Variants in LRPAP1 observed in about 807,000 individuals in gnomAD.
LRPAP1 encodes LDL receptor related protein associated protein 1.
In LRPAP1, 41 loss-of-function variants were observed where a neutral mutation model predicts 39.9. That is an observed-to-expected ratio of 1.03 (90% CI 0.80 to 1.33). LRPAP1 has a LOEUF of 1.33. Among genes scored for constraint, LRPAP1 ranks in the 40% most tolerant of loss-of-function variants. LRPAP1 has a pLI of 0.00. For synonymous variants in LRPAP1, 263 were observed against 212.7 expected (o/e 1.24, Z -2.06); for missense variants, 565 against 482.3 (o/e 1.17, Z -1.61).
At chr4:3,531,598 G>GT (rs887284190) in intron 1 of LRPAP1, among the ~76,000 whole-genome samples, 1 of 152,196 alleles carries the variant, frequency 6.6e-6, no homozygotes, top group African/African-American at 2.4e-5. Context: ...CACCTTGGGG[G>GT]TGCCCTTTCC....
At position 3,520,069 on chromosome 4, in the gene LRPAP1, T is replaced by G. The variant is rs1729862746; in HGVS notation, c.471+3A>C. ...GCAAGGTATGCAAACAATCGAAGAGTACCTTGTGCCACAGCTTTTCCAGCC... is the reference window on the plus strand; with the variant it reads ...GCAAGGTATGCAAACAATCGAAGAGGACCTTGTGCCACAGCTTTTCCAGCC... On this transcript the variant is annotated splice_donor_region_variant and intron_variant, in intron 3 of 7. Transcript: ENST00000650182. 9 of 1,613,654 alleles carry G rather than the reference T, an allele frequency of 5.6e-6. No individual in the cohort carries two copies. Among genetic ancestry groups the G allele is most frequent in the Admixed American group, 1.7e-5 (1 of 59,944 alleles).
At chr4:3,514,989 T>A in intron 6 of LRPAP1, 61 bp from the exon 7 acceptor site, 1 of 1,579,432 alleles carries the variant, frequency 6.3e-7, no homozygotes, top group South Asian at 1.1e-5. Context: ...CATCTTGTGG[T>A]CCCGGGTGAA....
intron 2 of LRPAP1, among the ~76,000 whole-genome samples, chr4:3,523,727 C>G (rs982594764): frequency 1.3e-5 from 2 of 152,230 alleles, no homozygotes; most frequent in African/African-American, 2.4e-5. Flanking sequence ...AGAGACAACC[C>G]GGGCGCTGCA....
Position 3,503,796 on chromosome 4 carries a change from A to T in LRPAP1, c.*9178T>A, listed in dbSNP as rs552978324. ...AATGACAGGCTAGGGTACCTAGATG[A>T]ACCATCACACTGAAAACACATGCTG... On this transcript the variant is annotated 3_prime_UTR_variant, in exon 8 of 8. Coordinates refer to ENST00000650182, the MANE Select transcript of LRPAP1 (RefSeq NM_002337.4). 1 of 152,402 alleles carries T rather than the reference A, an allele frequency of 6.6e-6. No individual in the cohort carries two copies. The highest frequency in any genetic ancestry group is 1.9e-4 in the East Asian group (1 of 5,186). The allele number at this position is 152,402 out of a possible 1,614,324, so 9.4% of individuals were successfully genotyped here. A position where few individuals can be genotyped will look rare whatever the true frequency, so the allele number is the denominator to read the frequency against.
At chr4:3,514,648 T>C in intron 7 of LRPAP1, 104 bp downstream of exon 7, 1 of 1,401,400 alleles carries the variant, frequency 7.1e-7, no homozygotes, top group Non-Finnish European at 9.6e-7. Context: ...GACAGCAGCG[T>C]GGGGCCCACA....
At chr4:3,518,649 CAA>C (rs1729806639) in intron 4 of LRPAP1, among the ~76,000 whole-genome samples, 1 of 152,030 alleles carries the variant, frequency 6.6e-6, no homozygotes, top group African/African-American at 2.4e-5. Context: ...TTGGTTCATC[CAA>C]TGCAGGCAGG....
chr4:3,514,258 G>C (rs1160641490), intron 7 of LRPAP1, among the ~76,000 whole-genome samples: 1 of 152,246 alleles, frequency 6.6e-6, no homozygotes, highest in East Asian at 1.9e-4. Context: ...GCACAGATGG[G>C]GCTCCTGAGC....
At chr4:3,522,714 TGCCTGGGGAGGAC>T in intron 2 of LRPAP1, among the ~76,000 whole-genome samples, 4 of 145,854 alleles carry the variant, frequency 2.7e-5, no homozygotes, top group South Asian at 2.2e-4. Flanking sequence ...CCACACCCCC[TGCCTGGGGAGGAC>T]GGACGCCGCC....
rs1300763695 is a variant in LRPAP1, at chr4:3,505,240, G to T, written c.*7734C>A. ...CTGCTCTTCAGCCCCAGCCCCTGGTGTCCCGCAGCGGCTGCGGTGGCAGTG... is the reference window on the plus strand; with the variant it reads ...CTGCTCTTCAGCCCCAGCCCCTGGTTTCCCGCAGCGGCTGCGGTGGCAGTG... On this transcript the variant is annotated 3_prime_UTR_variant, in exon 8 of 8. Transcript: ENST00000650182. 6.6e-6 allele frequency among the ~76,000 whole-genome samples: 1 copy of T among 152,212 alleles called. No individual in the cohort carries two copies. Among genetic ancestry groups the T allele is most frequent in the Non-Finnish European group, 1.5e-5 (1 of 68,042 alleles).
intron 1 of LRPAP1, among the ~76,000 whole-genome samples, chr4:3,528,347 T>C (rs1199947619): frequency 6.6e-6 from 1 of 152,190 alleles, no homozygotes; most frequent in Non-Finnish European, 1.5e-5. Flanking sequence ...CGTGTCCTCC[T>C]GACCAGACCC....
chr4:3,523,491 T>C (rs1729982914), intron 2 of LRPAP1, among the ~76,000 whole-genome samples: 1 of 151,920 alleles, frequency 6.6e-6, no homozygotes, highest in Admixed American at 6.6e-5. Flanking sequence ...ACATGACATG[T>C]CTGCTGATGC....
intron 2 of LRPAP1, 147 bp downstream of exon 2, chr4:3,524,760 G>A (rs987690985): frequency 2.1e-6 from 2 of 943,148 alleles, no homozygotes; most frequent in Non-Finnish European, 3.3e-6. Context: ...CAGGATGCTC[G>A]GGGAAAGGCT....
At chr4:3,528,950 C>G (rs1362221987) in intron 1 of LRPAP1, among the ~76,000 whole-genome samples, 1 of 152,136 alleles carries the variant, frequency 6.6e-6, no homozygotes, top group Non-Finnish European at 1.5e-5. Context: ...CTGCAGACCT[C>G]AGTTTCCACT....
chr4:3,522,056 CT>C (rs1342166053), intron 2 of LRPAP1, among the ~76,000 whole-genome samples: 7 of 152,214 alleles, frequency 4.6e-5, no homozygotes, highest in Non-Finnish European at 8.8e-5. Flanking sequence ...AATACACAAA[CT>C]TTTTAAAAAA....
chr4:3,519,023 G>A (rs556225449), intron 3 of LRPAP1, 32 bp from the exon 4 acceptor site: 17 of 1,607,078 alleles, frequency 1.1e-5, no homozygotes, highest in East Asian at 4.5e-5. Context: ...GAGTGAACCC[G>A]CCGCGGGCTC....
Position 3,510,912 on chromosome 4 carries a change from AGTG to A in LRPAP1, c.*2059_*2061del, listed in dbSNP as rs2108685723. The stretch of plus-strand genomic sequence containing the variant: ...GAGGGCATCACCTACATCCTTCGTG[AGTG>A]CGCACCATGACCAGCCACACCCATG... On this transcript the variant is annotated 3_prime_UTR_variant, in exon 8 of 8. Transcript: ENST00000650182. 6.6e-6 allele frequency: 1 copy of A among 152,214 alleles called. No homozygotes were observed. Among genetic ancestry groups the A allele is most frequent in the African/African-American group, 2.4e-5 (1 of 41,528 alleles). 9.4% of individuals were successfully genotyped at this position (152,214 alleles called of 1,614,324 possible).
At chr4:3,521,542 GCCT>G (rs1729909524) in intron 2 of LRPAP1, among the ~76,000 whole-genome samples, 1 of 152,156 alleles carries the variant, frequency 6.6e-6, no homozygotes, top group Admixed American at 6.5e-5. Context: ...AAAGCCTCAG[GCCT>G]CCTTTCTCAT....
intron 2 of LRPAP1, among the ~76,000 whole-genome samples, chr4:3,523,688 G>C (rs1392216184): frequency 2.0e-5 from 3 of 152,126 alleles, no homozygotes; most frequent in Admixed American, 1.3e-4. Flanking sequence ...CCTAACGAAG[G>C]AACTCCGTAG....
intron 1 of LRPAP1, among the ~76,000 whole-genome samples, chr4:3,526,111 C>G (rs1378618031): frequency 6.6e-6 from 1 of 152,254 alleles, no homozygotes; most frequent in African/African-American, 2.4e-5. Context: ...GGAGGCTGCA[C>G]CGCATGCCTG....
Sources: gnomAD v4.1 joint callset for allele counts (sites outside exome capture counted in the v4.1 genomes callset) on GRCh38, gnomAD v4.1.1 for gene constraint, MANE v1.5 for transcripts, NCBI Gene and HGNC (gene_info 2026-07-23, HGNC 2026-07-21) for gene names.